Variants in FOXN3 observed in about 807,000 individuals in gnomAD.
FOXN3 encodes the protein forkhead box N3, also known as forkhead box protein N3.
In FOXN3, 7 loss-of-function variants were observed where a neutral mutation model predicts 38.4. The observed-to-expected ratio is 0.18, with a 90% confidence interval of 0.10 to 0.34. The LOEUF (loss-of-function observed/expected upper bound fraction) is 0.34, where lower values mean the gene tolerates loss of function less well. Ranked by LOEUF, FOXN3 falls within the 10% of genes least tolerant of loss-of-function variation. The pLI is 1.00. For synonymous variants in FOXN3, 230 were observed against 242.2 expected, an observed-to-expected ratio of 0.95 and a Z score of 0.47; for missense variants, 456 against 613.4, an observed-to-expected ratio of 0.74 and a Z score of 2.71.
In FOXN3 at chr14:89,593,437, G is replaced by A. The variant is rs1477944289; in HGVS notation, c.-15+25591C>T. 3.9e-5 allele frequency among the ~76,000 whole-genome samples: 6 copies of A among 152,210 alleles called. No homozygotes were observed. In the South Asian group the frequency reaches 1.0e-3, roughly 26 times the overall value. ...GTAGATCACCTAAAGTCAGGAGTTC[G>A]AGACCAGCCTGGCCAACAGGCAAAA... is the stretch of plus-strand genomic sequence containing the variant. On this transcript the variant is annotated intron_variant, in intron 1 of 6. Coordinates refer to the FOXN3 transcript ENST00000345097.
intron 2 of FOXN3, among the ~76,000 whole-genome samples, chr14:89,403,399 T>C (rs1440572216): frequency 6.6e-6 from 1 of 152,160 alleles, no homozygotes; most frequent in Non-Finnish European, 1.5e-5. Context: ...GGTTTCACCA[T>C]GTTGCCTAGG....
intron 1 of FOXN3, among the ~76,000 whole-genome samples, chr14:89,594,838 A>G (rs1049844045): frequency 2.0e-5 from 3 of 151,972 alleles, no homozygotes; most frequent in African/African-American, 7.3e-5. Context: ...GTGAGTCGAG[A>G]TCCAGCCTAG....
At chr14:89,195,229 T>C (rs539170019) in intron 4 of FOXN3, among the ~76,000 whole-genome samples, 60 of 152,316 alleles carry the variant, frequency 3.9e-4, no homozygotes, top group African/African-American at 1.4e-3. Context: ...CCCCTCCCTT[T>C]GATCTCTCTA....
intron 1 of FOXN3, among the ~76,000 whole-genome samples, chr14:89,450,807 G>A (rs982147778): frequency 3.9e-5 from 6 of 152,006 alleles, no homozygotes; most frequent in Non-Finnish European, 5.9e-5. Flanking sequence ...GGATGGTCTC[G>A]ATCTCCTGAT....
intron 2 of FOXN3, among the ~76,000 whole-genome samples, chr14:89,411,110 T>C (rs1891533405): frequency 1.3e-5 from 2 of 152,128 alleles, no homozygotes; most frequent in Non-Finnish European, 2.9e-5. Context: ...TAGATTCTCA[T>C]AGGAGCACAA....
chr14:89,554,160 C>T lies in FOXN3; in HGVS notation c.-15+64868G>A, dbSNP rs140370670. Among the ~76,000 whole-genome samples, 594 of 152,230 alleles carry T rather than the reference C, an allele frequency of 3.9e-3. 10 individuals are homozygous for T. Among genetic ancestry groups the T allele is most frequent in the African/African-American group, 0.014 (564 of 41,534 alleles). On this transcript the variant is annotated intron_variant, in intron 1 of 6. Coordinates refer to the FOXN3 transcript ENST00000345097. ...GGGATTACAGGTGCCCGCCACCATA[C>T]CCGGCTAATTTTTGTATTATTAGTA...
intron 1 of FOXN3, among the ~76,000 whole-genome samples, chr14:89,532,742 G>A (rs1894595013): frequency 3.3e-5 from 5 of 152,072 alleles, no homozygotes; most frequent in Admixed American, 1.3e-4. Context: ...ATGAGAATGA[G>A]GTCAACCAGA....
intron 4 of FOXN3, among the ~76,000 whole-genome samples, chr14:89,226,607 A>G (rs1411294879): frequency 6.6e-6 from 1 of 152,118 alleles, no homozygotes; most frequent in African/African-American, 2.4e-5. Flanking sequence ...ATTATTCTTC[A>G]TTAAGTGTTA....
At chr14:89,477,711 A>G (rs1176996408) in intron 1 of FOXN3, among the ~76,000 whole-genome samples, 1 of 152,230 alleles carries the variant, frequency 6.6e-6, no homozygotes, top group African/African-American at 2.4e-5. Flanking sequence ...CAGAGCTTTC[A>G]GCAACAAATA....
chr14:89,302,472 T>C (rs959049715), intron 3 of FOXN3, among the ~76,000 whole-genome samples: 3 of 152,230 alleles, frequency 2.0e-5, no homozygotes, highest in Non-Finnish European at 2.9e-5. Flanking sequence ...TTTGAATTCC[T>C]ATGGCGAATA....
chr14:89,517,544 G>A (rs1017158692), intron 1 of FOXN3, among the ~76,000 whole-genome samples: 2 of 152,020 alleles, frequency 1.3e-5, no homozygotes, highest in African/African-American at 4.8e-5. Context: ...ACTTTTAAAC[G>A]ATCAGATCTC....
intron 1 of FOXN3, among the ~76,000 whole-genome samples, chr14:89,481,401 A>G (rs921783385): frequency 7.9e-5 from 12 of 152,040 alleles, no homozygotes; most frequent in Non-Finnish European, 1.6e-4. Context: ...CGACGTAGTG[A>G]CTTCCCGGCT....
chr14:89,217,218 T>C (rs1241116987), intron 4 of FOXN3, among the ~76,000 whole-genome samples: 1 of 152,212 alleles, frequency 6.6e-6, no homozygotes, highest in Non-Finnish European at 1.5e-5. Context: ...CACTGCAGCC[T>C]GGACCTCCTG....
intron 3 of FOXN3, among the ~76,000 whole-genome samples, chr14:89,305,533 T>G (rs917091129): frequency 2.0e-5 from 3 of 152,234 alleles, no homozygotes; most frequent in Non-Finnish European, 4.4e-5. Flanking sequence ...CTTAACATAC[T>G]GCTGTATCTT....
intron 1 of FOXN3, among the ~76,000 whole-genome samples, chr14:89,586,702 C>T (rs767341591): frequency 3.9e-5 from 6 of 152,212 alleles, no homozygotes; most frequent in Non-Finnish European, 7.3e-5. Context: ...TAAACAGGCT[C>T]GCCAAATGCT....
chr14:89,528,310 T>C (rs997046330), intron 1 of FOXN3, among the ~76,000 whole-genome samples: 6 of 137,514 alleles, frequency 4.4e-5, no homozygotes, highest in Non-Finnish European at 9.2e-5. Context: ...GATATATCCA[T>C]ACAATGGAAT....
In FOXN3 at chr14:89,267,719, T is replaced by G. The variant is rs151006983; in HGVS notation, c.745+13231A>C. ...ACACCTCTAATGAGACTCAAAATTGTTCACAATGAATCTAAAATGCAGTGA... is the reference window on the plus strand; with the variant it reads ...ACACCTCTAATGAGACTCAAAATTGGTCACAATGAATCTAAAATGCAGTGA... On this transcript the variant is annotated intron_variant, in intron 4 of 5. Transcript: ENST00000557258. 4.9e-3 allele frequency among the ~76,000 whole-genome samples: 739 copies of G among 152,302 alleles called. 4 individuals are homozygous for G. The highest frequency in any genetic ancestry group is 0.016 in the African/African-American group (677 of 41,580).
intron 1 of FOXN3, among the ~76,000 whole-genome samples, chr14:89,503,077 T>C (rs28363767): frequency 0.041 from 6,307 of 152,282 alleles, 168 homozygotes; most frequent in African/African-American, 0.067. Context: ...GGATCATTTC[T>C]GAATCAAAAT....
intron 2 of FOXN3, among the ~76,000 whole-genome samples, chr14:89,405,176 G>A (rs1029054782): frequency 7.2e-5 from 11 of 152,080 alleles, no homozygotes; most frequent in African/African-American, 2.4e-4. Context: ...TCACTCTGTC[G>A]CTCAGGCTGG....
Sources: gnomAD v4.1 joint callset for allele counts (sites outside exome capture counted in the v4.1 genomes callset) on GRCh38, gnomAD v4.1.1 for gene constraint, MANE v1.5 for transcripts, NCBI Gene and HGNC (gene_info 2026-07-23, HGNC 2026-07-21) for gene names.